Variants in PREP observed in about 807,000 individuals in gnomAD.
PREP encodes dJ355L5.1 (prolyl endopeptidase).
A neutral mutation model predicts 87.6 loss-of-function variants in PREP; 29 were observed. That is an observed-to-expected ratio of 0.33 (90% confidence interval 0.25 to 0.45). The LOEUF (loss-of-function observed/expected upper bound fraction) is 0.45. Among genes scored for constraint, PREP ranks in the 20% least tolerant of loss-of-function variants. PREP has a pLI of 1.00. For synonymous variants in PREP, 337 were observed against 328.6 expected, an observed-to-expected ratio of 1.03 and a Z score of -0.28; for missense variants, 695 against 886.5, an observed-to-expected ratio of 0.78 and a Z score of 2.74.
chr6:105,324,531 C>T (rs1416903514), intron 9 of PREP, among the ~76,000 whole-genome samples: 1 of 152,136 alleles, frequency 6.6e-6, no homozygotes, highest in African/African-American at 2.4e-5. Flanking sequence ...AATGACACTG[C>T]TGTGGTTTAT....
intron 7 of PREP, among the ~76,000 whole-genome samples, chr6:105,352,390 A>G (rs11970538): frequency 0.029 from 4,381 of 152,292 alleles, 211 homozygotes; most frequent in African/African-American, 0.1. Flanking sequence ...CATGATATGT[A>G]AGGCTTTGGC....
At chr6:105,371,742 C>T (rs896281388) in intron 5 of PREP, among the ~76,000 whole-genome samples, 1 of 152,082 alleles carries the variant, frequency 6.6e-6, no homozygotes, top group Non-Finnish European at 1.5e-5. Flanking sequence ...TGGTAAGAAG[C>T]ACATGGTAGG....
At position 105,391,210 on chromosome 6, in the gene PREP, G is replaced by A. The variant is rs373415169; in HGVS notation, c.120+6643C>T. Among the ~76,000 whole-genome samples, 12 of 151,582 alleles carry A rather than the reference G, an allele frequency of 7.9e-5. No homozygotes were observed. In the East Asian group the frequency reaches 2.1e-3, roughly 27 times the overall value. On this transcript the variant is annotated intron_variant, in intron 2 of 14. Coordinates refer to ENST00000652536, the MANE Select transcript of PREP (RefSeq NM_002726.5). Reference sequence around the variant, plus strand: ...AGCCTGACAAATATGGCAAAACCCCGTCTCTACTAAAAATACAAAAAATTA... The same window carrying A: ...AGCCTGACAAATATGGCAAAACCCCATCTCTACTAAAAATACAAAAAATTA...
intron 2 of PREP, among the ~76,000 whole-genome samples, chr6:105,384,970 T>C (rs1254083581): frequency 6.6e-6 from 1 of 152,184 alleles, no homozygotes; most frequent in East Asian, 1.9e-4. Context: ...CCTCTTTTTA[T>C]GTGAGCTGGT....
chr6:105,353,181 G>A, intron 6 of PREP, 104 bp from the exon 7 acceptor site: 1 of 863,570 alleles, frequency 1.2e-6, no homozygotes, highest in East Asian at 2.6e-5. Context: ...TTCAAAGGCA[G>A]TGTCTCTGCC....
chr6:105,357,586 A>G (rs1772133311), intron 6 of PREP, among the ~76,000 whole-genome samples: 1 of 152,196 alleles, frequency 6.6e-6, no homozygotes, highest in African/African-American at 2.4e-5. Flanking sequence ...CAAATGCTCA[A>G]AGTCACAAGC....
At chr6:105,397,185 C>CAAAAAAAAAA (rs67107334) in intron 2 of PREP, among the ~76,000 whole-genome samples, 14 of 86,792 alleles carry the variant, frequency 1.6e-4, no homozygotes, top group East Asian at 7.7e-4. Context: ...ACTCTGTCTA[C>CAAAAAAAAAA]AAAAAAAAAA....
At chr6:105,391,948 A>C (rs974547422) in intron 2 of PREP, among the ~76,000 whole-genome samples, 13 of 152,166 alleles carry the variant, frequency 8.5e-5, no homozygotes, top group Admixed American at 7.9e-4. Flanking sequence ...ACTGCACCAA[A>C]CTTCCTTCTC....
At chr6:105,333,652 A>T (rs1174270379) in intron 7 of PREP, 147 bp from the exon 8 acceptor site, 1 of 844,032 alleles carries the variant, frequency 1.2e-6, no homozygotes, top group Non-Finnish European at 1.8e-6. Context: ...AAGGAGCAAG[A>T]ACCAGTTGTG....
rs1013274881 is a variant in PREP, at chr6:105,277,227, A to G, written c.*917T>C. ...TATTTCCAGGAGTGATCTATGCAGGAGAAACAGCTTGGGAAATGCTGAAAT... is the reference window on the plus strand; with the variant it reads ...TATTTCCAGGAGTGATCTATGCAGGGGAAACAGCTTGGGAAATGCTGAAAT... On this transcript the variant is annotated 3_prime_UTR_variant, in exon 15 of 15. Coordinates refer to ENST00000652536, the MANE Select transcript of PREP (RefSeq NM_002726.5). Among the ~76,000 whole-genome samples the G allele has an allele frequency of 5.5e-5, 8 of 145,588 alleles. No individual in the cohort carries two copies. The highest frequency in any genetic ancestry group is 2.1e-4 in the South Asian group (1 of 4,732).
chr6:105,312,360 G>A (rs548563233), intron 10 of PREP, among the ~76,000 whole-genome samples: 1 of 152,230 alleles, frequency 6.6e-6, no homozygotes, highest in African/African-American at 2.4e-5. Context: ...TGCTCTTAAA[G>A]ACAGAATTAA....
chr6:105,289,023 A>C, intron 10 of PREP, 129 bp from the exon 11 acceptor site: 47 of 886,650 alleles, frequency 5.3e-5, no homozygotes, highest in Non-Finnish European at 7.1e-5. Flanking sequence ...AGTACCTCTC[A>C]AGGGCTATTT....
chr6:105,301,653 T>TAG (rs1312836234), intron 10 of PREP, among the ~76,000 whole-genome samples: 1 of 152,210 alleles, frequency 6.6e-6, no homozygotes, highest in African/African-American at 2.4e-5. Flanking sequence ...CTGCTTTAGT[T>TAG]AGTTTTTCCA....
chr6:105,361,186 TAA>T (rs944735158), intron 6 of PREP, among the ~76,000 whole-genome samples: 6 of 152,162 alleles, frequency 3.9e-5, no homozygotes, highest in Non-Finnish European at 7.4e-5. Flanking sequence ...TTCTTCATAT[TAA>T]GAGACAATTA....
intron 10 of PREP, among the ~76,000 whole-genome samples, chr6:105,296,536 GATTTTTT>G (rs71802227): frequency 0.018 from 2,689 of 151,820 alleles, 74 homozygotes; most frequent in African/African-American, 0.062. Flanking sequence ...ATTTCATCTT[GATTTTTT>G]ACATTTATAT....
At position 105,278,339 on chromosome 6, in the gene PREP, C is replaced by T. The variant is rs372879716; in HGVS notation, c.1938G>A (p.Pro646=). 142 of 1,614,014 alleles carry T rather than the reference C, an allele frequency of 8.8e-5. No individual in the cohort carries two copies. Among genetic ancestry groups the T allele is most frequent in the Non-Finnish European group, 1.2e-4 (137 of 1,180,030 alleles). Residue 646 remains proline, a synonymous_variant, in exon 15 of 15, where the codon CCG becomes CCA. Transcript: ENST00000652536. The surrounding 1 kb of genome is among the most constrained non-coding windows in gnomAD (Gnocchi z 4.2). ...TGGCAATGAACTTCAGGGAGTGAAGCGGGACCACGCGGTCATCATGGTCAG... is the reference window on the plus strand; with the variant it reads ...TGGCAATGAACTTCAGGGAGTGAAGTGGGACCACGCGGTCATCATGGTCAG... The part of the protein sequence containing the change: ...LTADHDDRVV[P]LHSLKFIATL...
intron 7 of PREP, among the ~76,000 whole-genome samples, chr6:105,339,439 C>T (rs899783732): frequency 5.3e-5 from 8 of 152,166 alleles, no homozygotes; most frequent in African/African-American, 1.9e-4. Context: ...GAAACCAGAG[C>T]AGAAAAGCTG....
rs1769989065 is a variant in PREP, at chr6:105,278,214, T to C, written c.2063A>G (p.Lys688Arg). The C allele has an allele frequency of 1.2e-6, 2 of 1,614,070 alleles. No homozygotes were observed. The highest frequency in any genetic ancestry group is 1.3e-5 in the African/African-American group (1 of 74,940). The stretch of plus-strand genomic sequence containing the variant: ...CATGTCTGAGACTTCCTCTATCACT[T>C]TGGCTGTGGGCTTCCCCGCCCCGTG... ...AGHGAGKPTAKVIEEVSDMFA... is the reference protein window; with the variant it reads ...AGHGAGKPTARVIEEVSDMFA... The change falls in exon 15 of 15, where the codon AAA (lysine) becomes AGA (arginine). Residue 688 changes from lysine (K) to arginine (R), a missense_variant. Transcript: ENST00000652536. This position sits in a 1 kb window ranked among gnomAD's most constrained non-coding sequence, Gnocchi z 4.2.
chr6:105,331,687 C>G (rs534173145), intron 8 of PREP, among the ~76,000 whole-genome samples: 5 of 152,164 alleles, frequency 3.3e-5, no homozygotes, highest in African/African-American at 1.2e-4. Context: ...AGCCATCAGG[C>G]TATCAAAGTG....
Sources: gnomAD v4.1 joint callset for allele counts (sites outside exome capture counted in the v4.1 genomes callset) on GRCh38, gnomAD v4.1.1 for gene constraint, Gnocchi (gnomAD v3.1) non-coding constraint, MANE v1.5 for transcripts, NCBI Gene and HGNC (gene_info 2026-07-23, HGNC 2026-07-21) for gene names.